The following DGKH variants were observed in gnomAD, a reference collection of about 807,000 sequenced individuals.
The protein encoded by DGKH is diacylglycerol kinase eta.
A neutral mutation model predicts 159.3 loss-of-function variants in DGKH; 90 were observed. The ratio of observed to expected loss-of-function variants is 0.57; its 90% confidence interval spans 0.48 to 0.67. DGKH has a LOEUF of 0.67. Ranked by LOEUF, DGKH falls within the 30% of genes least tolerant of loss-of-function variation. The pLI is 0.00. For synonymous variants in DGKH, 536 were observed against 553.8 expected (o/e 0.97, Z 0.45); for missense variants, 1,181 against 1,506.1 (o/e 0.78, Z 3.57).
At chr13:42,190,206 A>G (rs757419481) in intron 15 of DGKH, among the ~76,000 whole-genome samples, 197 bp from the exon 16 acceptor site, 7 of 152,232 alleles carry the variant, frequency 4.6e-5, no homozygotes, top group Non-Finnish European at 7.3e-5. Flanking sequence ...TTCTGATAAA[A>G]ATATAATTTT....
chr13:42,166,478 C>A, intron 8 of DGKH, 37 bp from the exon 9 acceptor site: 1 of 1,419,788 alleles, frequency 7.0e-7, no homozygotes, highest in Non-Finnish European at 9.3e-7. Context: ...AAAGAGAAAG[C>A]TGTATGTATT....
chr13:42,089,047 G>A (rs921381911), intron 1 of DGKH, among the ~76,000 whole-genome samples: 1 of 152,174 alleles, frequency 6.6e-6, no homozygotes, highest in East Asian at 1.9e-4. Context: ...TGACAAAGGG[G>A]TAAATTCATC....
chr13:42,071,206 A>C, intron 1 of DGKH: 1 of 449,012 alleles, frequency 2.2e-6, no homozygotes, highest in Non-Finnish European at 4.0e-6. Flanking sequence ...AAAAATAATT[A>C]TGCTTCCACA....
chr13:42,115,777 C>T (rs897806112), intron 1 of DGKH, among the ~76,000 whole-genome samples: 7 of 152,128 alleles, frequency 4.6e-5, no homozygotes, highest in African/African-American at 1.7e-4. Context: ...GTGATGGGTA[C>T]ACCTTGAACA....
At chr13:42,052,173 G>T (rs935259636) in intron 1 of DGKH, among the ~76,000 whole-genome samples, 5 of 152,192 alleles carry the variant, frequency 3.3e-5, no homozygotes, top group Non-Finnish European at 5.9e-5. Context: ...TTTAAGTAAA[G>T]AATGGAACTG....
intron 24 of DGKH, among the ~76,000 whole-genome samples, chr13:42,212,732 A>C (rs1401616285): frequency 6.6e-6 from 1 of 152,204 alleles, no homozygotes; most frequent in Non-Finnish European, 1.5e-5. Flanking sequence ...TGGGGATACA[A>C]GATGATTATT....
Position 42,210,733 on chromosome 13 carries a change from A to G in DGKH, c.2982A>G (p.Leu994=), listed in dbSNP as rs541074680. The G allele has an allele frequency of 3.5e-5, 56 of 1,612,562 alleles. No individual in the cohort carries two copies. In the South Asian group the frequency reaches 5.5e-4, roughly 16 times the overall value. ...LATEEVSQMQ[L]CSQAAEELIT... The stretch of plus-strand genomic sequence containing the variant: ...CAGAAGAGGTGTCGCAGATGCAGCT[A>G]TGCTCCCAGGCTGCAGAGGAGCTCA... The change falls in exon 24 of 30, where the codon CTA becomes CTG. Residue 994 remains leucine, a synonymous_variant. Transcript: ENST00000337343.
At chr13:42,078,399 G>A (rs899483911) in intron 1 of DGKH, among the ~76,000 whole-genome samples, 4 of 152,134 alleles carry the variant, frequency 2.6e-5, no homozygotes, top group Admixed American at 2.0e-4. Context: ...ACTAGATGCC[G>A]GAATATGGAT....
chr13:42,189,867 C>T (rs1340426493), intron 15 of DGKH, among the ~76,000 whole-genome samples: 2 of 152,030 alleles, frequency 1.3e-5, no homozygotes, highest in Non-Finnish European at 2.9e-5. Flanking sequence ...GGGATTTCAC[C>T]ATGTTGCCCA....
chr13:42,188,254 A>G (rs1282424334), intron 14 of DGKH, among the ~76,000 whole-genome samples: 13 of 152,212 alleles, frequency 8.5e-5, no homozygotes, highest in Admixed American at 8.5e-4. Context: ...TGGAAATTTT[A>G]TGGAGATGAA....
rs189811661 is a variant in DGKH at position 42,129,016 on chromosome 13, G to C, written c.304-536G>C. On this transcript the variant is annotated intron_variant, in intron 2 of 29. Coordinates refer to ENST00000337343, the MANE Select transcript of DGKH (RefSeq NM_178009.5). ...CTAGGATTTCCTACTTGCTACCTTG[G>C]ATGTTAAGAGTATACAAAAAAGGTC... Among the ~76,000 whole-genome samples the C allele has an allele frequency of 3.2e-4, 49 of 152,276 alleles. No individual in the cohort carries two copies. In the East Asian group the frequency reaches 9.4e-3, roughly 29 times the overall value.
chr13:42,043,540 C>G (rs183522162), intron 1 of DGKH, among the ~76,000 whole-genome samples: 69 of 152,090 alleles, frequency 4.5e-4, no homozygotes, highest in Non-Finnish European at 7.4e-4. Flanking sequence ...GGGATCTGCC[C>G]AGGCTGGTCT....
rs565550812 is a variant in DGKH, at chr13:42,108,617, C to T, written c.193-18846C>T. Among the ~76,000 whole-genome samples the T allele has an allele frequency of 9.9e-5, 15 of 152,202 alleles. 1 individual carries two copies. In the East Asian group the frequency reaches 1.2e-3, roughly 12 times the overall value. On this transcript the variant is annotated intron_variant, in intron 1 of 29. Transcript: ENST00000337343. The stretch of plus-strand genomic sequence containing the variant: ...AATGTACTTGAGTTTCAGGTGGTGA[C>T]GGCATCTCTAAGTGGAGATGTCAGG...
intron 1 of DGKH, among the ~76,000 whole-genome samples, chr13:42,055,461 C>T (rs898152599): frequency 6.6e-6 from 1 of 152,084 alleles, no homozygotes; most frequent in Non-Finnish European, 1.5e-5. Flanking sequence ...AGATAAGAGA[C>T]ATAATAAATA....
intron 8 of DGKH, 27 bp downstream of exon 8, chr13:42,165,460 T>C (rs1956288760): frequency 7.8e-7 from 1 of 1,274,838 alleles, no homozygotes; most frequent in Admixed American, 2.5e-5. Context: ...TAAGTACGTA[T>C]ATTTCTGGTA....
intron 3 of DGKH, among the ~76,000 whole-genome samples, chr13:42,141,292 C>A (rs879262601): frequency 1.3e-5 from 2 of 151,742 alleles, no homozygotes; most frequent in Non-Finnish European, 2.9e-5. Context: ...TTTCTTAATC[C>A]AGTCTATCAT....
intron 23 of DGKH, among the ~76,000 whole-genome samples, chr13:42,210,395 A>G (rs555408936): frequency 2.0e-5 from 3 of 152,170 alleles, no homozygotes; most frequent in South Asian, 4.1e-4. Context: ...CTCTTTTTTA[A>G]CTTTTAAATG....
At chr13:42,227,053 C>G (rs929774937) in intron 29 of DGKH, among the ~76,000 whole-genome samples, 30 of 152,024 alleles carry the variant, frequency 2.0e-4, no homozygotes, top group African/African-American at 6.8e-4. Flanking sequence ...GGGAGCTAAA[C>G]AATGAGAACA....
intron 8 of DGKH, 62 bp downstream of exon 8, chr13:42,165,495 CT>C: frequency 1.1e-6 from 1 of 891,382 alleles, no homozygotes; most frequent in South Asian, 2.8e-5. Context: ...ATGTATATTT[CT>C]TTTCCTAGAA....
Sources: allele counts gnomAD v4.1 joint callset (sites outside exome capture counted in the v4.1 genomes callset), GRCh38; gene constraint gnomAD v4.1.1; transcripts MANE v1.5; gene names NCBI Gene and HGNC (gene_info 2026-07-23, HGNC 2026-07-21).